The following FUT8 variants were observed in gnomAD, a reference collection of about 807,000 sequenced individuals.
FUT8 encodes fucosyltransferase 8.
Under a neutral mutation model 71.3 loss-of-function variants are expected in FUT8, and 29 were observed. That is an observed-to-expected ratio of 0.41 (90% CI 0.30 to 0.55). FUT8 has a LOEUF of 0.55. Among genes scored for constraint, FUT8 ranks in the 20% least tolerant of loss-of-function variants. The probability of loss-of-function intolerance (pLI) is 0.34; values close to 1 mark genes in which losing one functional copy is unlikely to be tolerated. For missense variants in FUT8, 544 were observed against 702.1 expected (o/e 0.77, Z 2.55); for synonymous variants, 254 against 239.3 (o/e 1.06, Z -0.57).
chr14:65,380,753 T>G, the FUT8 span, among the ~76,000 whole-genome samples: 4 of 152,196 alleles, frequency 2.6e-5, no homozygotes, highest in Non-Finnish European at 5.9e-5. Context: ...CACTTGGATG[T>G]CAATGAAGGA....
chr14:65,452,495 G>A (rs912506420), intron 1 of FUT8, among the ~76,000 whole-genome samples: 2 of 152,184 alleles, frequency 1.3e-5, no homozygotes, highest in Non-Finnish European at 2.9e-5. Context: ...CCCAGGAGGA[G>A]CCTAGAGATT....
chr14:65,507,796 C>G (rs2066759876), intron 2 of FUT8, among the ~76,000 whole-genome samples: 1 of 152,142 alleles, frequency 6.6e-6, no homozygotes, highest in Non-Finnish European at 1.5e-5. Flanking sequence ...ACACTGATTT[C>G]CTTTTTTGGG....
At chr14:65,536,271 T>C (rs983434714) in intron 2 of FUT8, among the ~76,000 whole-genome samples, 8 of 152,222 alleles carry the variant, frequency 5.3e-5, no homozygotes, top group Admixed American at 4.6e-4. Context: ...AGTATGGATA[T>C]GTGTGGATTT....
chr14:65,729,526 C>CTTT (rs67348217), intron 9 of FUT8, among the ~76,000 whole-genome samples: 1 of 142,178 alleles, frequency 7.0e-6, no homozygotes, highest in African/African-American at 2.7e-5. Context: ...AGGATATAAA[C>CTTT]TTTTTTTTTT....
chr14:65,548,036 A>G (rs533954620), intron 2 of FUT8, among the ~76,000 whole-genome samples: 6 of 152,106 alleles, frequency 3.9e-5, no homozygotes, highest in African/African-American at 1.4e-4. Flanking sequence ...TGACTTTAAT[A>G]GTTCAATACT....
At chr14:65,372,118 T>C in the FUT8 span, among the ~76,000 whole-genome samples, 2 of 152,228 alleles carry the variant, frequency 1.3e-5, no homozygotes, top group South Asian at 4.2e-4. Context: ...ACATATTTGA[T>C]CAATCCCCCA....
rs1889934363 is a variant in FUT8, at chr14:65,627,114, TAAC to T, written c.483-2375_483-2373del. 6.6e-6 allele frequency among the ~76,000 whole-genome samples: 1 copy of T among 151,454 alleles called. No individual in the cohort carries two copies. The highest frequency in any genetic ancestry group is 1.9e-4 in the East Asian group (1 of 5,186). Reference sequence around the variant, plus strand: ...CACTGTTCCACATGCTGATTTTAAATAACAAAAAACAAAAAAATAAAAGAAGCA... The same window carrying T: ...CACTGTTCCACATGCTGATTTTAAATAAAAAACAAAAAAATAAAAGAAGCA... On this transcript the variant is annotated intron_variant, in intron 5 of 10. Transcript: ENST00000673929. The surrounding 1 kb of genome is among the most constrained non-coding windows in gnomAD (Gnocchi z 4.0).
rs1444988729 is a variant in FUT8 at position 65,669,837 on chromosome 14, A to G, written c.835+357A>G. On this transcript the variant is annotated intron_variant, in intron 7 of 10. Transcript: ENST00000673929. This position sits in a 1 kb window ranked among gnomAD's most constrained non-coding sequence, Gnocchi z 4.5. The stretch of plus-strand genomic sequence containing the variant: ...CATCATATAAAGTAGTCCAGTTTAT[A>G]TGGACTACTATATATGAGTAGCATG... Among the ~76,000 whole-genome samples the G allele has an allele frequency of 1.3e-5, 2 of 152,194 alleles. No homozygotes were observed. Among genetic ancestry groups the G allele is most frequent in the East Asian group, 3.9e-4 (2 of 5,194 alleles).
At chr14:65,720,961 G>A (rs894888589) in intron 7 of FUT8, among the ~76,000 whole-genome samples, 3 of 152,098 alleles carry the variant, frequency 2.0e-5, no homozygotes, top group African/African-American at 7.2e-5. Context: ...CACAATCACT[G>A]TGCTCCCCCT....
intron 3 of FUT8, among the ~76,000 whole-genome samples, chr14:65,588,210 C>T (rs1887494600): frequency 6.6e-6 from 1 of 152,152 alleles, no homozygotes; most frequent in Admixed American, 6.5e-5. Flanking sequence ...ACCCTATGCT[C>T]TAGCCATATA....
In FUT8 at chr14:65,442,546, C is replaced by CATAT. The variant is rs1461516120; in HGVS notation, c.-325-13074_-325-13073insTATA. Among the ~76,000 whole-genome samples, 126 of 151,438 alleles carry CATAT rather than the reference C, an allele frequency of 8.3e-4. 1 individual carries two copies. The highest frequency in any genetic ancestry group is 1.5e-3 in the Non-Finnish European group (102 of 67,792). The stretch of plus-strand genomic sequence containing the variant: ...ACATACATACATACATACATACATA[C>CATAT]AGTATAGGCCCGCTGTGGTGGCTCG... On this transcript the variant is annotated intron_variant, in intron 1 of 10. Transcript: ENST00000673929.
At chr14:65,511,660 C>A (rs532616487) in intron 2 of FUT8, among the ~76,000 whole-genome samples, 18 of 152,274 alleles carry the variant, frequency 1.2e-4, no homozygotes, top group African/African-American at 3.6e-4. Flanking sequence ...TTCTTTGTCT[C>A]TTCTTACAGT....
chr14:65,501,130 C>G lies in FUT8; in HGVS notation c.-228+45412C>G, dbSNP rs538494555. Reference sequence around the variant, plus strand: ...TTAGGATCAGGTCAGGAAAACAGTCCACACTAAATACTCGAGGCAGGAGGA... The same window carrying G: ...TTAGGATCAGGTCAGGAAAACAGTCGACACTAAATACTCGAGGCAGGAGGA... On this transcript the variant is annotated intron_variant, in intron 2 of 10. Transcript: ENST00000673929. 1.4e-4 allele frequency among the ~76,000 whole-genome samples: 21 copies of G among 152,224 alleles called. No homozygotes were observed. In the South Asian group the frequency reaches 3.7e-3, roughly 27 times the overall value.
intron 2 of FUT8, among the ~76,000 whole-genome samples, chr14:65,537,324 T>G (rs1176355292): frequency 1.3e-5 from 2 of 151,496 alleles, no homozygotes; most frequent in Non-Finnish European, 2.9e-5. Context: ...AAGAAGACAC[T>G]CTGGTTTTTT....
At chr14:65,494,914 T>C (rs2066536732) in intron 2 of FUT8, among the ~76,000 whole-genome samples, 1 of 152,076 alleles carries the variant, frequency 6.6e-6, no homozygotes, top group Non-Finnish European at 1.5e-5. Context: ...CTTTGTTGTA[T>C]AGTTAGAAGG....
chr14:65,694,946 T>G (rs1382724548), intron 7 of FUT8, among the ~76,000 whole-genome samples: 5 of 150,876 alleles, frequency 3.3e-5, no homozygotes, highest in Non-Finnish European at 7.4e-5. Flanking sequence ...TAATGCTAAG[T>G]GACAAGTTAA....
chr14:65,510,896 A>G (rs763874118), intron 2 of FUT8, among the ~76,000 whole-genome samples: 5 of 151,652 alleles, frequency 3.3e-5, no homozygotes, highest in African/African-American at 7.3e-5. Flanking sequence ...CTTTATTTCA[A>G]TTTCCTGTAT....
rs138544829 is a variant in FUT8, at chr14:65,420,789, A to G, written c.-326+7575A>G. Among the ~76,000 whole-genome samples, 770 of 152,276 alleles carry G rather than the reference A, an allele frequency of 5.1e-3. 8 individuals carry two copies. The highest frequency in any genetic ancestry group is 0.018 in the African/African-American group (733 of 41,556). On this transcript the variant is annotated intron_variant, in intron 1 of 10. Coordinates refer to ENST00000673929, the MANE Select transcript of FUT8 (RefSeq NM_001371533.1). ...TCTCCTCAAAAACTTAATTACTAAT[A>G]AACTACTGTTGACTTCCAGCCTTAC...
At chr14:65,731,586 G>T (rs764435634) in intron 9 of FUT8, among the ~76,000 whole-genome samples, 1 of 152,058 alleles carries the variant, frequency 6.6e-6, no homozygotes, top group Non-Finnish European at 1.5e-5. Flanking sequence ...TTACACTTAG[G>T]TATCCTTTAT....
Sources: allele counts gnomAD v4.1 joint callset (sites outside exome capture counted in the v4.1 genomes callset), GRCh38; gene constraint gnomAD v4.1.1; non-coding constraint Gnocchi (gnomAD v3.1); transcripts MANE v1.5; gene names NCBI Gene and HGNC (gene_info 2026-07-23, HGNC 2026-07-21).